The following KCNK2 variants were observed in gnomAD, a reference collection of about 807,000 sequenced individuals.
The protein encoded by KCNK2 is potassium two pore domain channel subfamily K member 2.
KCNK2 carries 21 observed loss-of-function variants against 40.5 expected under a neutral mutation model. That is an observed-to-expected ratio of 0.52 (90% CI 0.37 to 0.75). KCNK2 has a LOEUF of 0.75. KCNK2 is among the 30% of genes least tolerant of loss of function. The pLI is 0.00. For synonymous variants in KCNK2, 191 were observed against 202.2 expected (o/e 0.94, Z 0.47); for missense variants, 399 against 531.6 (o/e 0.75, Z 2.45).
chr1:215,221,802 C>T (rs919558774), intron 6 of KCNK2, among the ~76,000 whole-genome samples: 1 of 152,206 alleles, frequency 6.6e-6, no homozygotes, highest in East Asian at 1.9e-4. Context: ...GAAAATTTAT[C>T]TAAGCACACA....
At chr1:215,218,619 T>C (rs1666047559) in intron 6 of KCNK2, among the ~76,000 whole-genome samples, 2 of 152,178 alleles carry the variant, frequency 1.3e-5, no homozygotes, top group South Asian at 2.1e-4. Context: ...TACCACCACT[T>C]TGATGCATGC....
intron 1 of KCNK2, among the ~76,000 whole-genome samples, chr1:215,007,027 A>ATGTG (rs1398954474): frequency 0.016 from 896 of 55,950 alleles, 13 homozygotes; most frequent in Non-Finnish European, 0.028. Flanking sequence ...ATATATATAT[A>ATGTG]TATATATATA....
chr1:215,005,803 T>C, upstream of KCNK2: 1 of 870,754 alleles, frequency 1.1e-6, no homozygotes, highest in Non-Finnish European at 1.9e-6. Flanking sequence ...GGAAACAGTA[T>C]GGGACGATGG....
chr1:215,104,975 T>C (rs1003224732), intron 2 of KCNK2, among the ~76,000 whole-genome samples: 4 of 152,128 alleles, frequency 2.6e-5, no homozygotes, highest in African/African-American at 9.7e-5. Flanking sequence ...AGAACCCTTT[T>C]TAGAGGCTTT....
At chr1:215,171,943 C>T (rs74140944) in intron 4 of KCNK2, 54 bp from the exon 5 acceptor site, 17 of 1,039,334 alleles carry the variant, frequency 1.6e-5, no homozygotes, top group African/African-American at 1.3e-4. Context: ...TCTCTCTCTC[C>T]CCCCATTTAT....
chr1:215,172,288 G>A (rs1372666455), intron 5 of KCNK2, 105 bp downstream of exon 5: 2 of 975,108 alleles, frequency 2.1e-6, no homozygotes, highest in Middle Eastern at 2.2e-4. Flanking sequence ...AGTTTTCTAG[G>A]GCTGACATAC....
chr1:215,090,046 G>A (rs559903004), intron 2 of KCNK2, among the ~76,000 whole-genome samples: 2 of 151,932 alleles, frequency 1.3e-5, no homozygotes, highest in East Asian at 3.9e-4. Flanking sequence ...GGCTGGTCTC[G>A]AACTCCCGAC....
At chr1:215,030,528 C>T (rs796683770) in intron 1 of KCNK2, among the ~76,000 whole-genome samples, 17 of 151,000 alleles carry the variant, frequency 1.1e-4, no homozygotes, top group African/African-American at 4.2e-4. Flanking sequence ...AACAAATTTT[C>T]TATGTTACCT....
chr1:215,150,380 C>T (rs975381769), intron 3 of KCNK2, among the ~76,000 whole-genome samples: 3 of 151,934 alleles, frequency 2.0e-5, no homozygotes, highest in Admixed American at 1.3e-4. Flanking sequence ...AATTTTTTTT[C>T]TCTGAAAGAG....
intron 3 of KCNK2, among the ~76,000 whole-genome samples, chr1:215,157,422 C>T (rs577869756): frequency 6.6e-6 from 1 of 152,254 alleles, no homozygotes; most frequent in East Asian, 1.9e-4. Flanking sequence ...TGGCCACTGC[C>T]CCTCCCCACC....
chr1:215,078,356 A>C (rs1280883760), upstream of KCNK2, among the ~76,000 whole-genome samples: 3 of 152,228 alleles, frequency 2.0e-5, no homozygotes, highest in African/African-American at 7.2e-5. Flanking sequence ...GTCTGTTCTC[A>C]CAATGCTATG....
At chr1:215,055,737 G>A (rs1397299750) in intron 1 of KCNK2, among the ~76,000 whole-genome samples, 8 of 152,324 alleles carry the variant, frequency 5.3e-5, no homozygotes, top group Admixed American at 3.3e-4. Context: ...TGGTAGGAAT[G>A]TTTGTTAGGT....
intron 1 of KCNK2, among the ~76,000 whole-genome samples, chr1:215,065,052 T>C (rs146527376): frequency 6.6e-6 from 1 of 152,366 alleles, no homozygotes; most frequent in African/African-American, 2.4e-5. Flanking sequence ...ATATAGTGTT[T>C]ATTTAAAGTA....
intron 2 of KCNK2, among the ~76,000 whole-genome samples, chr1:215,110,932 G>A (rs1206068813): frequency 9.2e-5 from 14 of 152,210 alleles, no homozygotes; most frequent in Admixed American, 9.2e-4. Flanking sequence ...AACATACAAT[G>A]TCATGTGTCC....
intron 5 of KCNK2, among the ~76,000 whole-genome samples, chr1:215,181,662 T>G (rs1426598728): frequency 6.6e-6 from 1 of 152,186 alleles, no homozygotes; most frequent in Admixed American, 6.5e-5. Flanking sequence ...CCTATGTACT[T>G]CTCTCAGCAG....
intron 1 of KCNK2, among the ~76,000 whole-genome samples, chr1:215,052,491 G>T (rs1324463751): frequency 1.3e-5 from 2 of 152,184 alleles, no homozygotes; most frequent in African/African-American, 2.4e-5. Flanking sequence ...CAGCTTTCAA[G>T]ACTTGCTATT....
intron 1 of KCNK2, among the ~76,000 whole-genome samples, chr1:215,021,537 CTTTTTTTTTTT>C (rs538476962): frequency 1.2e-4 from 12 of 96,316 alleles, no homozygotes; most frequent in Admixed American, 1.2e-4. Context: ...GGACAACCAT[CTTTTTTTTTTT>C]TTTTTTTTTT....
intron 6 of KCNK2, among the ~76,000 whole-genome samples, chr1:215,219,171 A>G (rs1666073793): frequency 6.6e-6 from 1 of 152,156 alleles, no homozygotes; most frequent in African/African-American, 2.4e-5. Context: ...CCAACTAGAC[A>G]TTTGTGTCAG....
intron 1 of KCNK2, among the ~76,000 whole-genome samples, chr1:215,024,945 G>GT (rs376087335): frequency 0.04 from 3,310 of 82,470 alleles, 123 homozygotes; most frequent in African/African-American, 0.097. Context: ...ATCTACAGGA[G>GT]TTTTTTTTTT....
Sources: gnomAD v4.1 joint callset for allele counts (sites outside exome capture counted in the v4.1 genomes callset) on GRCh38, gnomAD v4.1.1 for gene constraint, MANE v1.5 for transcripts, NCBI Gene and HGNC (gene_info 2026-07-23, HGNC 2026-07-21) for gene names.